UGGT1: variants seen among roughly 807,000 people sequenced by gnomAD.
UGGT1 encodes the protein UDP-glucose glycoprotein glucosyltransferase 1.
Under a neutral mutation model 203.9 loss-of-function variants are expected in UGGT1, and 107 were observed. That is an observed-to-expected ratio of 0.52 (90% CI 0.45 to 0.62). The LOEUF is 0.62. Among genes scored for constraint, UGGT1 ranks in the 20% least tolerant of loss-of-function variants. The pLI is 0.00. For missense variants in UGGT1, 1,673 were observed against 1,867.2 expected (o/e 0.90, Z 1.92); for synonymous variants, 628 against 653.5 (o/e 0.96, Z 0.59).
At chr2:128,104,387 A>G (rs188590361) in intron 3 of UGGT1, among the ~76,000 whole-genome samples, 16 of 152,348 alleles carry the variant, frequency 1.1e-4, no homozygotes, top group Admixed American at 2.0e-4. Context: ...TTATCTGTTA[A>G]GTTCATTATC....
At chr2:128,187,167 A>C (rs137857147) in intron 39 of UGGT1, 117 of 316,634 alleles carry the variant, frequency 3.7e-4, no homozygotes, top group Middle Eastern at 1.8e-3. Flanking sequence ...CACAACTTAC[A>C]ATCTGCTGAG....
Position 128,171,252 on chromosome 2 carries a change from C to G in UGGT1, c.3072C>G (p.Cys1024Trp). 6.2e-7 allele frequency: 1 copy of G among 1,613,232 alleles called. No individual in the cohort carries two copies. The highest frequency in any genetic ancestry group is 8.5e-7 in the Non-Finnish European group (1 of 1,179,694). ...INMNLRVFMNCQSKLSDMPLK... is the reference protein window; with the variant it reads ...INMNLRVFMNWQSKLSDMPLK... ...TGAATCTGAGAGTATTTATGAACTG[C>G]CAATCCAAACTTTCTGACATGCCTT... The change falls in exon 28 of 41, where the codon TGC becomes TGG. Residue 1024 changes from cysteine to tryptophan, a missense_variant. Coordinates refer to ENST00000259253, the MANE Select transcript of UGGT1 (RefSeq NM_020120.4).
chr2:128,097,496 C>T lies in UGGT1; in HGVS notation c.126C>T (p.Ala42=), dbSNP rs746423983. The T allele has an allele frequency of 1.2e-5, 20 of 1,613,940 alleles. No homozygotes were observed. The highest frequency in any genetic ancestry group is 3.3e-5 in the Admixed American group (2 of 59,982). ...TVLWLFSSVK[A]DSKAITTSLT... ...TGTGGCTGTTCTCCTCAGTAAAGGC[C>T]GACTCAAAAGCCATTACAACCTCTC... The change falls in exon 2 of 41, where the codon GCC becomes GCT. Residue 42 remains alanine (A), a synonymous_variant. Transcript: ENST00000259253.
intron 12 of UGGT1, among the ~76,000 whole-genome samples, chr2:128,128,477 A>AT (rs528306046): frequency 1.2e-4 from 18 of 151,426 alleles, no homozygotes; most frequent in Admixed American, 6.6e-4. Context: ...ATGCCCAGCT[A>AT]TTTTTTTTGT....
chr2:128,148,249 A>G (rs1689784727), intron 18 of UGGT1, among the ~76,000 whole-genome samples: 1 of 152,014 alleles, frequency 6.6e-6, no homozygotes, highest in South Asian at 2.1e-4. Context: ...TTTAGTAGAG[A>G]TGGGGTTTTA....
intron 7 of UGGT1, 96 bp from the exon 8 acceptor site, chr2:128,116,169 C>T (rs1187589064): frequency 1.4e-6 from 1 of 738,642 alleles, no homozygotes. Flanking sequence ...TGATTTTTTT[C>T]ACATTATTCA....
At chr2:128,128,955 T>C (rs932011879) in intron 12 of UGGT1, 74 bp from the exon 13 acceptor site, 1 of 1,390,988 alleles carries the variant, frequency 7.2e-7, no homozygotes, top group Non-Finnish European at 9.6e-7. Context: ...AACTGATACA[T>C]TTTTTTTCAT....
Position 128,122,268 on chromosome 2 carries a change from C to T in UGGT1, c.1074-918C>T, listed in dbSNP as rs187667444. ...GGGAAGTGGGCCAGGCATGGTGGCT[C>T]ACACCTGTAATACCAGCACTTTGGG... is the stretch of plus-strand genomic sequence containing the variant. On this transcript the variant is annotated intron_variant, in intron 10 of 40. Coordinates refer to ENST00000259253, the MANE Select transcript of UGGT1 (RefSeq NM_020120.4). Among the ~76,000 whole-genome samples the T allele has an allele frequency of 2.1e-3, 324 of 151,272 alleles. 2 individuals carry two copies. Among genetic ancestry groups the T allele is most frequent in the African/African-American group, 7.5e-3 (311 of 41,340 alleles).
intron 10 of UGGT1, 52 bp from the exon 11 acceptor site, chr2:128,123,133 AG>A: frequency 7.3e-7 from 1 of 1,373,910 alleles, no homozygotes; most frequent in Non-Finnish European, 1.0e-6. Context: ...TGGAAATTGA[AG>A]ACTTTATATC....
chr2:128,164,797 G>A lies in UGGT1; in HGVS notation c.2893G>A (p.Glu965Lys), dbSNP rs374117560. 1.0e-5 allele frequency: 16 copies of A among 1,608,014 alleles called. No homozygotes were observed. Among genetic ancestry groups the A allele is most frequent in the African/African-American group, 8.1e-5 (6 of 74,488 alleles). Residue 965 changes from glutamate (E) to lysine (K), a missense_variant, in exon 26 of 41, where the codon GAG becomes AAG. By Grantham distance (56) the Glu-to-Lys change is moderately conservative. Around this residue, in one of 4 missense-constraint regions of UGGT1, gnomAD observed 1,073 missense variants for 1,078.7 expected, o/e 0.99. Coordinates refer to ENST00000259253, the MANE Select transcript of UGGT1 (RefSeq NM_020120.4). ...GCAACCAAAAGGAGATCCAAGAATC[G>A]AGTACCAGTTTTTTGAAGACAGACA... ...SAQPKGDPRI[E>K]YQFFEDRHSA...
intron 19 of UGGT1, among the ~76,000 whole-genome samples, chr2:128,153,916 A>G (rs943197652): frequency 6.6e-6 from 1 of 152,238 alleles, no homozygotes; most frequent in Non-Finnish European, 1.5e-5. Flanking sequence ...AGATGTGTGT[A>G]ATGAAGTCAT....
intron 4 of UGGT1, among the ~76,000 whole-genome samples, chr2:128,108,944 C>T (rs1203972327): frequency 2.0e-5 from 3 of 152,142 alleles, no homozygotes; most frequent in Non-Finnish European, 4.4e-5. Context: ...CAGTCTCGCC[C>T]TGTCACCCAG....
At chr2:128,096,189 C>CAGTG (rs1371787688) in intron 1 of UGGT1, among the ~76,000 whole-genome samples, 1 of 152,106 alleles carries the variant, frequency 6.6e-6, no homozygotes, top group African/African-American at 2.4e-5. Context: ...TCCACTTTGC[C>CAGTG]AGTGACCCTA....
chr2:128,156,959 A>G (rs1419064215), intron 21 of UGGT1, among the ~76,000 whole-genome samples: 2 of 152,208 alleles, frequency 1.3e-5, no homozygotes, highest in African/African-American at 4.8e-5. Context: ...TATGTTACCC[A>G]CATGTTCAAA....
intron 1 of UGGT1, among the ~76,000 whole-genome samples, chr2:128,095,921 T>C (rs999120506): frequency 6.6e-6 from 1 of 152,184 alleles, no homozygotes; most frequent in African/African-American, 2.4e-5. Context: ...GAAGTGAGCC[T>C]TACCAGAGCT....
At chr2:128,183,324 T>C (rs61073426) in intron 37 of UGGT1, among the ~76,000 whole-genome samples, 70 of 151,542 alleles carry the variant, frequency 4.6e-4, no homozygotes, top group Middle Eastern at 3.4e-3. Context: ...TCTGGGGTTT[T>C]CCCCCCCCTG....
chr2:128,189,650 C>G, intron 40 of UGGT1, 67 bp from the exon 41 acceptor site: 1 of 1,527,338 alleles, frequency 6.5e-7, no homozygotes, highest in South Asian at 1.2e-5. Context: ...ATGAAAAATG[C>G]CCACTCAGTG....
intron 17 of UGGT1, among the ~76,000 whole-genome samples, chr2:128,144,877 A>G (rs1194532487): frequency 2.0e-5 from 3 of 152,222 alleles, no homozygotes; most frequent in Non-Finnish European, 2.9e-5. Flanking sequence ...GGCAATTACA[A>G]GGTGTGCGAT....
intron 17 of UGGT1, chr2:128,145,525 T>C (rs7595270): frequency 0.024 from 1,449 of 59,158 alleles, 34 homozygotes; most frequent in Middle Eastern, 0.041. Flanking sequence ...CACACACACA[T>C]ACACAAACAC....
Sources: allele counts gnomAD v4.1 joint callset (sites outside exome capture counted in the v4.1 genomes callset), GRCh38; gene constraint gnomAD v4.1.1; regional missense constraint gnomAD v4.1.1; transcripts MANE v1.5; gene names NCBI Gene and HGNC (gene_info 2026-07-23, HGNC 2026-07-21).